The following FOXP1 variants were observed in gnomAD, a reference collection of about 807,000 sequenced individuals.
FOXP1 encodes the protein forkhead box P1.
A neutral mutation model predicts 98.2 loss-of-function variants in FOXP1; 15 were observed. That is an observed-to-expected ratio of 0.15 (90% CI 0.10 to 0.24). The LOEUF (loss-of-function observed/expected upper bound fraction) is 0.24. Ranked by LOEUF, FOXP1 falls within the 10% of genes least tolerant of loss-of-function variation. FOXP1 has a pLI of 1.00. For synonymous variants in FOXP1, 371 were observed against 314.5 expected (o/e 1.18, Z -1.90); for missense variants, 633 against 848.5 (o/e 0.75, Z 3.15).
intron 4 of FOXP1, chr3:71,333,928 T>A (rs2076509309): frequency 6.8e-6 from 1 of 147,082 alleles, no homozygotes; most frequent in East Asian, 2.0e-4. Context: ...AAAAGAAAAA[T>A]CATTCTAGAA....
At chr3:71,031,447 T>C (rs2046853399) in intron 11 of FOXP1, among the ~76,000 whole-genome samples, 1 of 152,170 alleles carries the variant, frequency 6.6e-6, no homozygotes, top group South Asian at 2.1e-4. Flanking sequence ...GAACAAGCCT[T>C]GGGTATATAA....
chr3:71,236,398 G>A lies in FOXP1; in HGVS notation c.-11-38006C>T, dbSNP rs145020927. Among the ~76,000 whole-genome samples the A allele has an allele frequency of 9.9e-5, 15 of 152,192 alleles. No individual in the cohort carries two copies. The East Asian group carries it at 2.9e-3, about 29-fold the overall frequency. On this transcript the variant is annotated intron_variant, in intron 5 of 20. Coordinates refer to ENST00000649528, the MANE Select transcript of FOXP1 (RefSeq NM_001349338.3). The stretch of plus-strand genomic sequence containing the variant: ...GTAACATGCTTTCATTGCAGTTCTC[G>A]ATTGACTTTTTGGATAAATCTTTGA...
chr3:71,455,894 TAA>T (rs767555616), intron 3 of FOXP1, among the ~76,000 whole-genome samples: 67 of 152,214 alleles, frequency 4.4e-4, no homozygotes, highest in Non-Finnish European at 9.3e-4. Flanking sequence ...AATGGTTTAA[TAA>T]ACACCATCAT....
intron 2 of FOXP1, among the ~76,000 whole-genome samples, chr3:71,500,726 T>G (rs1046036170): frequency 1.3e-5 from 2 of 152,234 alleles, no homozygotes; most frequent in Non-Finnish European, 2.9e-5. Flanking sequence ...TCAATTCCTG[T>G]TACAGCCAAG....
chr3:71,318,373 T>C (rs1418136836), intron 4 of FOXP1, among the ~76,000 whole-genome samples: 1 of 152,156 alleles, frequency 6.6e-6, no homozygotes, highest in Admixed American at 6.5e-5. Flanking sequence ...TAAACGAAAA[T>C]AACATACAAT....
intron 6 of FOXP1, among the ~76,000 whole-genome samples, chr3:71,148,232 C>T (rs1228684737): frequency 1.3e-5 from 2 of 152,110 alleles, no homozygotes; most frequent in African/African-American, 4.8e-5. Flanking sequence ...CAAAAATTAG[C>T]CGGGCATGGT....
At chr3:71,341,782 T>C (rs552092047) in intron 4 of FOXP1, among the ~76,000 whole-genome samples, 1 of 152,200 alleles carries the variant, frequency 6.6e-6, no homozygotes, top group Non-Finnish European at 1.5e-5. Flanking sequence ...TCCACCAACA[T>C]ATCCTAGAGC....
chr3:71,388,131 A>G (rs892098773), intron 3 of FOXP1, among the ~76,000 whole-genome samples: 1 of 152,136 alleles, frequency 6.6e-6, no homozygotes, highest in African/African-American at 2.4e-5. Flanking sequence ...ATCGTAAATC[A>G]TTTCCAATCT....
intron 2 of FOXP1, among the ~76,000 whole-genome samples, chr3:71,551,684 A>G (rs185853675): frequency 2.0e-5 from 3 of 152,346 alleles, no homozygotes; most frequent in Admixed American, 2.0e-4. Context: ...TTTTGAATAG[A>G]TAACATAAAA....
At chr3:71,026,772 T>G (rs974600203) in intron 11 of FOXP1, among the ~76,000 whole-genome samples, 36 of 152,218 alleles carry the variant, frequency 2.4e-4, no homozygotes, top group African/African-American at 8.7e-4. Context: ...GATTCCCAGA[T>G]GCCAGGAGTA....
intron 3 of FOXP1, among the ~76,000 whole-genome samples, chr3:71,364,540 G>A (rs2078785925): frequency 6.6e-6 from 1 of 152,102 alleles, no homozygotes; most frequent in East Asian, 1.9e-4. Context: ...CTGTTGAATT[G>A]GCTTTTAATA....
chr3:71,085,277 C>T lies in FOXP1; in HGVS notation c.282+27259G>A, dbSNP rs542026009. 5.9e-5 allele frequency among the ~76,000 whole-genome samples: 9 copies of T among 152,100 alleles called. No homozygotes were observed. In the South Asian group the frequency reaches 6.2e-4, roughly 11 times the overall value. ...CCCATGTCAGCCTCCTAAGTAGCTG[C>T]GACTCCAGGTGCATAACACCACATT... On this transcript the variant is annotated intron_variant, in intron 7 of 20. Coordinates refer to ENST00000649528, the MANE Select transcript of FOXP1 (RefSeq NM_001349338.3).
chr3:71,301,104 T>C (rs898876833), intron 4 of FOXP1, among the ~76,000 whole-genome samples: 1 of 152,184 alleles, frequency 6.6e-6, no homozygotes, highest in African/African-American at 2.4e-5. Flanking sequence ...TTTTCATGTT[T>C]ACTGTAAGAG....
chr3:71,154,081 C>T (rs906497336), intron 6 of FOXP1, among the ~76,000 whole-genome samples: 3 of 129,924 alleles, frequency 2.3e-5, no homozygotes, highest in Non-Finnish European at 5.2e-5. Flanking sequence ...TTGCATTCTT[C>T]TTCTTCTTCT....
chr3:71,519,818 T>A (rs1016457764), intron 2 of FOXP1, among the ~76,000 whole-genome samples: 1 of 152,254 alleles, frequency 6.6e-6, no homozygotes, highest in Non-Finnish European at 1.5e-5. Context: ...GCTAACCAGC[T>A]GCACTGGGAT....
At chr3:71,236,053 G>C (rs773981004) in intron 5 of FOXP1, among the ~76,000 whole-genome samples, 1 of 152,134 alleles carries the variant, frequency 6.6e-6, no homozygotes, top group Non-Finnish European at 1.5e-5. Context: ...CAAAGCCCAG[G>C]ATAAGAGAAT....
At chr3:71,483,468 C>T (rs936625427) in intron 3 of FOXP1, among the ~76,000 whole-genome samples, 6 of 152,144 alleles carry the variant, frequency 3.9e-5, no homozygotes, top group African/African-American at 1.4e-4. Context: ...AAACTATAGG[C>T]GCGTGGGCCA....
rs577687893 is a variant in FOXP1 at position 71,273,530 on chromosome 3, C to T, written c.-12+26290G>A. On this transcript the variant is annotated intron_variant, in intron 5 of 20. Coordinates refer to ENST00000649528, the MANE Select transcript of FOXP1 (RefSeq NM_001349338.3). ...ACAAAAGTTGGCTGGTATTTTCAAACATGCCCATCCCCCTTCAGTCTTCCT... is the reference window on the plus strand; with the variant it reads ...ACAAAAGTTGGCTGGTATTTTCAAATATGCCCATCCCCCTTCAGTCTTCCT... Among the ~76,000 whole-genome samples, 3 of 152,326 alleles carry T rather than the reference C, an allele frequency of 2.0e-5. No homozygotes were observed. In the East Asian group the frequency reaches 5.8e-4, roughly 29 times the overall value.
At chr3:71,498,808 T>G (rs2041106343) in intron 2 of FOXP1, among the ~76,000 whole-genome samples, 1 of 152,152 alleles carries the variant, frequency 6.6e-6, no homozygotes. Context: ...AGTTTTGCAT[T>G]CCATAGGTCC....
Sources: gnomAD v4.1 joint callset for allele counts (sites outside exome capture counted in the v4.1 genomes callset) on GRCh38, gnomAD v4.1.1 for gene constraint, MANE v1.5 for transcripts, NCBI Gene and HGNC (gene_info 2026-07-23, HGNC 2026-07-21) for gene names.